The following PIRT variants were observed in gnomAD, a reference collection of about 807,000 sequenced individuals.
PIRT encodes phosphoinositide-interacting protein.
A neutral mutation model predicts 7.9 loss-of-function variants in PIRT; 6 were observed. That is an observed-to-expected ratio of 0.76 (90% CI 0.42 to 1.51). The LOEUF is 1.51. Ranked by LOEUF, PIRT falls within the 40% of genes most tolerant of loss-of-function variation. PIRT has a pLI of 0.01. For synonymous variants in PIRT, 78 were observed against 71.8 expected, an observed-to-expected ratio of 1.09 and a Z score of -0.44; for missense variants, 170 against 172.9, an observed-to-expected ratio of 0.98 and a Z score of 0.09.
chr17:10,829,457 C>T (rs1905411374), intron 1 of PIRT, among the ~76,000 whole-genome samples: 1 of 152,186 alleles, frequency 6.6e-6, no homozygotes, highest in African/African-American at 2.4e-5. Context: ...GACCTTCTTT[C>T]TGGCTCTGCA....
At chr17:10,834,895 TG>T (rs1378380555) in intron 1 of PIRT, among the ~76,000 whole-genome samples, 1 of 144,630 alleles carries the variant, frequency 6.9e-6, no homozygotes, top group Non-Finnish European at 1.5e-5. Flanking sequence ...CAGCGTTGTT[TG>T]TTTTTTTTTT....
chr17:10,825,518 G>C lies in PIRT; in HGVS notation c.128C>G (p.Thr43Ser), dbSNP rs755660098. Residue 43 changes from threonine (T) to serine (S), a missense_variant, in exon 2 of 2, where the codon ACC becomes AGC. Thr to Ser is a moderately conservative substitution (Grantham distance 58). Transcript: ENST00000580256. ...GATTTCCCAGTTACTCCTGGGGGTG[G>C]TGGTCCAGACAGACTCGCTCCTGGA... Reference protein sequence around the residue: ...ISSRSESVWTTTPRSNWEIYR... With the variant: ...ISSRSESVWTSTPRSNWEIYR... 38 of 1,613,364 alleles carry C rather than the reference G, an allele frequency of 2.4e-5. No homozygotes were observed. The highest frequency in any genetic ancestry group is 3.1e-5 in the Non-Finnish European group (36 of 1,179,698).
intron 1 of PIRT, among the ~76,000 whole-genome samples, chr17:10,826,528 T>C (rs1905319106): frequency 6.6e-6 from 1 of 152,282 alleles, no homozygotes; most frequent in Non-Finnish European, 1.5e-5. Flanking sequence ...ATTCTGCATG[T>C]GTGTCCTGTG....
chr17:10,835,913 T>G (rs895203653), intron 1 of PIRT, among the ~76,000 whole-genome samples: 4 of 152,084 alleles, frequency 2.6e-5, no homozygotes, highest in Non-Finnish European at 5.9e-5. Flanking sequence ...ATTTTTTTTT[T>G]TTTTTTTGAG....
At chr17:10,835,836 A>G (rs1432665103) in intron 1 of PIRT, among the ~76,000 whole-genome samples, 2 of 152,160 alleles carry the variant, frequency 1.3e-5, no homozygotes, top group Non-Finnish European at 2.9e-5. Context: ...TTAGGAGGGT[A>G]ATACTATTAT....
chr17:10,828,236 C>G (rs984109072), intron 1 of PIRT, among the ~76,000 whole-genome samples: 1 of 152,176 alleles, frequency 6.6e-6, no homozygotes, highest in Non-Finnish European at 1.5e-5. Context: ...TCCTGTACCC[C>G]GAGTCCTCAA....
chr17:10,832,330 T>G (rs1022513498), intron 1 of PIRT, among the ~76,000 whole-genome samples: 2 of 152,142 alleles, frequency 1.3e-5, no homozygotes, highest in Non-Finnish European at 2.9e-5. Flanking sequence ...GTAGCTGGGA[T>G]TACAGGCATG....
At chr17:10,831,550 G>A (rs566709545) in intron 1 of PIRT, among the ~76,000 whole-genome samples, 10 of 152,230 alleles carry the variant, frequency 6.6e-5, no homozygotes, top group African/African-American at 2.2e-4. Context: ...AGGGTTGCTC[G>A]AGGCTGGGAG....
chr17:10,825,211 A>C lies in PIRT; in HGVS notation c.*21T>G, dbSNP rs760082475. 6.2e-7 allele frequency: 1 copy of C among 1,608,822 alleles called. No individual in the cohort carries two copies. The highest frequency in any genetic ancestry group is 8.5e-7 in the Non-Finnish European group (1 of 1,176,340). On this transcript the variant is annotated 3_prime_UTR_variant, in exon 2 of 2. Transcript: ENST00000580256. Reference sequence around the variant, plus strand: ...CAGATCTTCTCCCAGTCAAGGTGGCAGGGAGATGCGGAAACCACCATCAGC... The same window carrying C: ...CAGATCTTCTCCCAGTCAAGGTGGCCGGGAGATGCGGAAACCACCATCAGC...
At chr17:10,836,092 G>A (rs950998804) in intron 1 of PIRT, among the ~76,000 whole-genome samples, 2 of 152,030 alleles carry the variant, frequency 1.3e-5, no homozygotes, top group Admixed American at 6.6e-5. Flanking sequence ...TAGTAGAGAC[G>A]GGATTTTGCC....
intron 1 of PIRT, among the ~76,000 whole-genome samples, chr17:10,828,293 T>C (rs2151534162): frequency 6.6e-6 from 1 of 152,228 alleles, no homozygotes; most frequent in East Asian, 1.9e-4. Context: ...TGGGATGACT[T>C]TCCTTAAGCA....
Position 10,824,932 on chromosome 17 carries a change from T to G in PIRT, c.*300A>C. The G allele has an allele frequency of 2.5e-6, 1 of 392,530 alleles. No homozygotes were observed. The highest frequency in any genetic ancestry group is 4.6e-6 in the Non-Finnish European group (1 of 217,332). 24.3% of individuals were successfully genotyped at this position (392,530 alleles called of 1,614,324 possible). A position where few individuals can be genotyped will look rare whatever the true frequency, so the allele number is the denominator to read the frequency against. ...AGAATTTCCCAGCATGCATTGCACTTGGCAGAGAGAGTTGGATGAATGATG... is the reference window on the plus strand; with the variant it reads ...AGAATTTCCCAGCATGCATTGCACTGGGCAGAGAGAGTTGGATGAATGATG... On this transcript the variant is annotated 3_prime_UTR_variant, in exon 2 of 2. Coordinates refer to ENST00000580256, the MANE Select transcript of PIRT (RefSeq NM_001101387.2).
intron 1 of PIRT, among the ~76,000 whole-genome samples, chr17:10,832,587 A>G (rs1028521955): frequency 6.6e-6 from 1 of 152,216 alleles, no homozygotes; most frequent in Non-Finnish European, 1.5e-5. Flanking sequence ...TGTGCAATCT[A>G]TGTCAATAAA....
At chr17:10,833,976 C>T (rs912516091) in intron 1 of PIRT, among the ~76,000 whole-genome samples, 22 of 151,988 alleles carry the variant, frequency 1.4e-4, no homozygotes, top group African/African-American at 4.6e-4. Context: ...CTCACAATAC[C>T]GTAGGTTGGT....
Position 10,825,173 on chromosome 17 carries a change from G to C in PIRT, c.*59C>G. The stretch of plus-strand genomic sequence containing the variant: ...ACCCCACAGAGGAGACAGGGATGTC[G>C]GATGTTGGTCATCAGATCTTCTCCC... On this transcript the variant is annotated 3_prime_UTR_variant, in exon 2 of 2. Transcript: ENST00000580256. 6.4e-7 allele frequency: 1 copy of C among 1,567,448 alleles called. No homozygotes were observed. The highest frequency in any genetic ancestry group is 1.2e-5 in the South Asian group (1 of 83,950).
intron 1 of PIRT, among the ~76,000 whole-genome samples, chr17:10,826,694 G>T (rs1905326037): frequency 1.3e-5 from 2 of 152,254 alleles, no homozygotes; most frequent in Admixed American, 1.3e-4. Flanking sequence ...CCTGAGCTCA[G>T]ATTTGAACCC....
intron 1 of PIRT, among the ~76,000 whole-genome samples, chr17:10,827,465 C>CTTT (rs546105685): frequency 0.035 from 1,970 of 56,210 alleles, 192 homozygotes; most frequent in East Asian, 0.06. Context: ...TTTTTCTTTT[C>CTTT]TTTTTTTTTT....
At chr17:10,827,721 C>T (rs1905367879) in intron 1 of PIRT, among the ~76,000 whole-genome samples, 2 of 151,838 alleles carry the variant, frequency 1.3e-5, no homozygotes, top group African/African-American at 2.4e-5. Context: ...GTGATCCACC[C>T]TCCTTAGCCT....
intron 1 of PIRT, among the ~76,000 whole-genome samples, chr17:10,836,326 C>A (rs1374446162): frequency 6.6e-6 from 1 of 152,178 alleles, no homozygotes; most frequent in Non-Finnish European, 1.5e-5. Flanking sequence ...TCTGAACTCA[C>A]TCCCCAGCCT....
Sources: allele counts gnomAD v4.1 joint callset (sites outside exome capture counted in the v4.1 genomes callset), GRCh38; gene constraint gnomAD v4.1.1; transcripts MANE v1.5; gene names NCBI Gene and HGNC (gene_info 2026-07-23, HGNC 2026-07-21).